Variants in ZBTB4 observed in about 807,000 individuals in gnomAD.
ZBTB4 encodes zinc finger and BTB domain containing 4.
A neutral mutation model predicts 59.8 loss-of-function variants in ZBTB4; 14 were observed. The ratio of observed to expected loss-of-function variants is 0.23; its 90% CI spans 0.15 to 0.37. The LOEUF is 0.37. Among genes scored for constraint, ZBTB4 ranks in the 10% least tolerant of loss-of-function variants. The pLI is 1.00. For missense variants in ZBTB4, 1,198 were observed against 1,380.8 expected (o/e 0.87, Z 2.10); for synonymous variants, 587 against 575.2 (o/e 1.02, Z -0.29).
At chr17:7,474,063 T>A (rs572335256) in intron 1 of ZBTB4, among the ~76,000 whole-genome samples, 3 of 152,062 alleles carry the variant, frequency 2.0e-5, no homozygotes, top group Non-Finnish European at 4.4e-5. Flanking sequence ...ACTACAGGCA[T>A]ATGCCACCAC....
chr17:7,466,012 C>T lies in ZBTB4; in HGVS notation c.790G>A (p.Gly264Arg). The change falls in exon 3 of 4, where the codon GGG (glycine) becomes AGG (arginine). Residue 264 changes from glycine (G) to arginine (R), a missense_variant. Gly to Arg is a moderately radical substitution (Grantham distance 125). This residue lies in a region of ZBTB4 where 204 missense variants were observed against 205.5 expected (regional missense o/e 0.99). Transcript: ENST00000380599. This position sits in a 1 kb window ranked among gnomAD's most constrained non-coding sequence, Gnocchi z 9.1. ...CCCCCAGCTCCCAGCCCTGTAGACC[C>T]CCGCGTGCTGGCCCCTCGTCGGCAC... is the stretch of plus-strand genomic sequence containing the variant. ...AQCRRGASTR[G>R]STGLGAGGAG... 6 of 1,607,738 alleles carry T rather than the reference C, an allele frequency of 3.7e-6. No individual in the cohort carries two copies. The highest frequency in any genetic ancestry group is 2.7e-5 in the African/African-American group (2 of 74,952).
intron 1 of ZBTB4, among the ~76,000 whole-genome samples, chr17:7,471,581 A>G (rs2150860235): frequency 6.6e-6 from 1 of 152,278 alleles, no homozygotes; most frequent in Admixed American, 6.5e-5. Flanking sequence ...TTGCTAGCCA[A>G]CCCAGCGTTT....
intron 1 of ZBTB4, among the ~76,000 whole-genome samples, 195 bp downstream of exon 1, chr17:7,479,261 G>A (rs1322117545): frequency 6.6e-6 from 1 of 151,708 alleles, no homozygotes; most frequent in Admixed American, 6.5e-5. Flanking sequence ...CCCCTTAGTC[G>A]CCCCCCAGCG....
At chr17:7,482,064 G>T (rs773923005), upstream of ZBTB4, 1 of 1,613,976 alleles carries the variant, frequency 6.2e-7, no homozygotes, top group South Asian at 1.1e-5. Flanking sequence ...AGCCTCCGCT[G>T]GCACCAGTGC....
intron 1 of ZBTB4, among the ~76,000 whole-genome samples, chr17:7,471,649 G>A (rs933970856): frequency 9.2e-5 from 14 of 152,312 alleles, no homozygotes; most frequent in East Asian, 5.8e-4. Context: ...GGCCTTATAG[G>A]AAGTGGAAAA....
chr17:7,483,889 G>A (rs1194465619), upstream of ZBTB4: 1 of 152,300 alleles, frequency 6.6e-6, no homozygotes, highest in East Asian at 1.9e-4. Flanking sequence ...GCTACTTCCG[G>A]ACAAGCCACT....
At chr17:7,479,967 C>A (rs966999709), upstream of ZBTB4, among the ~76,000 whole-genome samples, 6 of 152,166 alleles carry the variant, frequency 3.9e-5, no homozygotes, top group Non-Finnish European at 5.9e-5. Context: ...GCATAACACA[C>A]AGGCTCTCAG....
Position 7,466,485 on chromosome 17 carries a change from G to A in ZBTB4, c.317C>T (p.Ser106Phe). 1 of 1,594,572 alleles carries A rather than the reference G, an allele frequency of 6.3e-7. No individual in the cohort carries two copies. The highest frequency in any genetic ancestry group is 1.4e-5 in the African/African-American group (1 of 71,946). ...TGGAGGGGGAGAGGAAGAGGAAGAG[G>A]AAGAAGAAGAAGAAGCAGAGGAGGA... ...SSSSSASSSS[S>F]SSSSSPPPAS... Residue 106 changes from serine (S) to phenylalanine (F), a missense_variant, in exon 3 of 4, where the codon TCC becomes TTC. By Grantham distance (155) the Ser-to-Phe change is radical. Around this residue, in one of 9 missense-constraint regions of ZBTB4, gnomAD observed 83 missense variants for 76.5 expected, o/e 1.09. Coordinates refer to ENST00000380599, the MANE Select transcript of ZBTB4 (RefSeq NM_001128833.2). This position sits in a 1 kb window ranked among gnomAD's most constrained non-coding sequence, Gnocchi z 9.1.
intron 1 of ZBTB4, among the ~76,000 whole-genome samples, chr17:7,474,345 G>A (rs758789792): frequency 6.7e-6 from 1 of 149,836 alleles, no homozygotes; most frequent in Non-Finnish European, 1.5e-5. Flanking sequence ...AGCCTCCCAA[G>A]TAGCTGGGAC....
chr17:7,477,030 A>G (rs1227601172), intron 1 of ZBTB4, among the ~76,000 whole-genome samples: 1 of 152,238 alleles, frequency 6.6e-6, no homozygotes, highest in Admixed American at 6.5e-5. Context: ...CAGCTGCCTC[A>G]CTTGAAAAAG....
Position 7,462,015 on chromosome 17 carries a change from A to T in ZBTB4, c.2967T>A (p.Leu989=), listed in dbSNP as rs767723203. 7.5e-6 allele frequency: 12 copies of T among 1,602,958 alleles called. No individual in the cohort carries two copies. Among genetic ancestry groups the T allele is most frequent in the Non-Finnish European group, 1.0e-5 (12 of 1,174,198 alleles). ...PAPPTPPPPT[L]PPPIPPKGEG... ...CTCCCTTAGGGGGAATTGGTGGAGG[A>T]AGAGTTGGGGGAGGTGGTGTTGGTG... is the stretch of plus-strand genomic sequence containing the variant. The change falls in exon 4 of 4, where the codon CTT becomes CTA. Residue 989 remains leucine (L), a synonymous_variant. Transcript: ENST00000380599. This position sits in a 1 kb window ranked among gnomAD's most constrained non-coding sequence, Gnocchi z 7.5.
intron 1 of ZBTB4, among the ~76,000 whole-genome samples, chr17:7,473,907 T>C (rs967433886): frequency 1.1e-4 from 17 of 151,774 alleles, no homozygotes; most frequent in African/African-American, 4.1e-4. Context: ...TAGGAATGTT[T>C]TTGGTTTTGT....
chr17:7,465,693 C>A lies in ZBTB4; in HGVS notation c.1091+18G>T. On this transcript the variant is annotated intron_variant, in intron 3 of 3. Transcript: ENST00000380599. Reference sequence around the variant, plus strand: ...GTGCCAGCCTCCAGCCGCTCCCCCGCCAGCCTGGATCACTCACCTGCGCTC... The same window carrying A: ...GTGCCAGCCTCCAGCCGCTCCCCCGACAGCCTGGATCACTCACCTGCGCTC... The A allele has an allele frequency of 6.3e-7, 1 of 1,575,342 alleles. No individual in the cohort carries two copies. Among genetic ancestry groups the A allele is most frequent in the South Asian group, 1.2e-5 (1 of 85,518 alleles).
At chr17:7,481,946 GC>G, upstream of ZBTB4, 1 of 1,549,010 alleles carries the variant, frequency 6.5e-7, no homozygotes, top group Non-Finnish European at 8.7e-7. Flanking sequence ...GGTCGCCTGG[GC>G]TGCGGCTGCT....
intron 1 of ZBTB4, among the ~76,000 whole-genome samples, chr17:7,478,143 C>T (rs1167486708): frequency 6.6e-6 from 1 of 152,174 alleles, no homozygotes; most frequent in East Asian, 1.9e-4. Context: ...CCTCCCTCCC[C>T]ACATGTGTTT....
At chr17:7,468,912 AC>A (rs2070162801) in intron 1 of ZBTB4, among the ~76,000 whole-genome samples, 1 of 152,140 alleles carries the variant, frequency 6.6e-6, no homozygotes, top group African/African-American at 2.4e-5. Flanking sequence ...AGTTTTAACA[AC>A]CCTGTCTGCC....
At position 7,466,908 on chromosome 17, in the gene ZBTB4, C is replaced by A; in HGVS notation, c.-9-98G>T. ...AGAGAGAGGATCAGGAGCTGCTGGT[C>A]AGAAACTAGTGGAAGGCTGAATCAC... On this transcript the variant is annotated intron_variant, in intron 2 of 3. Coordinates refer to ENST00000380599, the MANE Select transcript of ZBTB4 (RefSeq NM_001128833.2). The surrounding 1 kb of genome is among the most constrained non-coding windows in gnomAD (Gnocchi z 9.1). 1.4e-6 allele frequency: 2 copies of A among 1,432,516 alleles called. No homozygotes were observed. Among genetic ancestry groups the A allele is most frequent in the South Asian group, 3.0e-5 (2 of 67,090 alleles). 88.7% of individuals were successfully genotyped at this position (1,432,516 alleles called of 1,614,324 possible). A position where few individuals can be genotyped will look rare whatever the true frequency, so the allele number is the denominator to read the frequency against.
Position 7,463,197 on chromosome 17 carries a change from C to A in ZBTB4, c.1785G>T (p.Leu595=), listed in dbSNP as rs2070057276. The part of the protein sequence containing the change: ...PTGAGRGPSQ[L]QAPPPLCQIT... ...TCTGACACAGTGGAGGTGGAGCCTG[C>A]AGCTGAGAGGGGCCCCGGCCAGCCC... The change falls in exon 4 of 4, where the codon CTG becomes CTT. Residue 595 remains leucine, a synonymous_variant. Coordinates refer to ENST00000380599, the MANE Select transcript of ZBTB4 (RefSeq NM_001128833.2). The A allele has an allele frequency of 1.2e-6, 2 of 1,608,242 alleles. No homozygotes were observed. Among genetic ancestry groups the A allele is most frequent in the Non-Finnish European group, 1.7e-6 (2 of 1,179,114 alleles).
At chr17:7,480,444 G>A (rs560118634), upstream of ZBTB4, among the ~76,000 whole-genome samples, 2 of 152,364 alleles carry the variant, frequency 1.3e-5, no homozygotes, top group South Asian at 4.1e-4. Flanking sequence ...CTGAGGCTGG[G>A]CGCGGTGGCT....
Sources: gnomAD v4.1 joint callset for allele counts (sites outside exome capture counted in the v4.1 genomes callset) on GRCh38, gnomAD v4.1.1 for gene constraint, gnomAD v4.1.1 regional missense constraint, Gnocchi (gnomAD v3.1) non-coding constraint, MANE v1.5 for transcripts, NCBI Gene and HGNC (gene_info 2026-07-23, HGNC 2026-07-21) for gene names.